FAM120C: variants seen among roughly 807,000 people sequenced by gnomAD.
The protein encoded by FAM120C is constitutive coactivator of PPAR-gamma-like protein 2.
A neutral mutation model predicts 71.2 loss-of-function variants in FAM120C; 14 were observed. That is an observed-to-expected ratio of 0.20 (90% CI 0.13 to 0.31). FAM120C has a LOEUF of 0.31. Ranked by LOEUF, FAM120C falls within the 10% of genes least tolerant of loss-of-function variation. The pLI is 1.00. For missense variants in FAM120C, 500 were observed against 879.0 expected (o/e 0.57, Z 5.45); for synonymous variants, 354 against 353.2 (o/e 1.00, Z -0.03).
At chrX:54,160,561 G>A (rs1389523906) in intron 1 of FAM120C, among the ~76,000 whole-genome samples, 1 of 111,316 alleles carries the variant, frequency 9.0e-6, no homozygotes, top group Non-Finnish European at 1.9e-5. Flanking sequence ...TCCTGTACAT[G>A]CCTCTATTGC....
chrX:54,116,502 G>A, intron 10 of FAM120C, 43 bp downstream of exon 10: 1 of 1,166,608 alleles, frequency 8.6e-7, no homozygotes, highest in Non-Finnish European at 1.1e-6. Flanking sequence ...TATAAAAAAA[G>A]TAAAAGAGAA....
chrX:54,147,841 C>T lies in FAM120C; in HGVS notation c.1158+3404G>A, dbSNP rs189884332. On this transcript the variant is annotated intron_variant, in intron 4 of 15. Transcript: ENST00000375180. ...TCCTGAGTAGCTGGGATTACAGGCA[C>T]GCGCCACCATGCCCAGCTAATTTTT... 5.2e-4 allele frequency among the ~76,000 whole-genome samples: 58 copies of T among 110,520 alleles called. 1 individual carries two copies. In the East Asian group the frequency reaches 9.7e-3, roughly 18 times the overall value.
chrX:54,169,283 T>C (rs1057285848), intron 1 of FAM120C, among the ~76,000 whole-genome samples: 3 of 111,000 alleles, frequency 2.7e-5, no homozygotes, highest in Non-Finnish European at 5.7e-5. Context: ...AGCAACAGAG[T>C]GAGACCCTGT....
intron 1 of FAM120C, among the ~76,000 whole-genome samples, chrX:54,161,752 C>T (rs905656942): frequency 3.6e-5 from 4 of 112,329 alleles, no homozygotes; most frequent in African/African-American, 1.3e-4. Context: ...CTGCCTCAGC[C>T]TCCTGAGTAG....
At position 54,070,558 on chromosome X, in the gene FAM120C, T is replaced by G. The variant is rs782626935; in HGVS notation, c.*2475A>C. On this transcript the variant is annotated 3_prime_UTR_variant, in exon 16 of 16. Coordinates refer to ENST00000375180, the MANE Select transcript of FAM120C (RefSeq NM_017848.6). ...ATATAGGTATCTCACAGCTCAGTGA[T>G]ACTGGTTGCTTTTAGAGCTCCAAAG... The G allele has an allele frequency of 8.9e-6, 1 of 112,103 alleles. No homozygotes were observed. Among genetic ancestry groups the G allele is most frequent in the African/African-American group, 3.2e-5 (1 of 30,956 alleles). 9.2% of individuals were successfully genotyped at this position (112,103 alleles called of 1,213,427 possible). A position where few individuals can be genotyped will look rare whatever the true frequency, so the allele number is the denominator to read the frequency against.
At chrX:54,078,471 A>G (rs918747255) in intron 15 of FAM120C, among the ~76,000 whole-genome samples, 3 of 111,950 alleles carry the variant, frequency 2.7e-5, no homozygotes, top group Non-Finnish European at 3.8e-5. Flanking sequence ...TTTGGAGTGC[A>G]TTATGAAATG....
chrX:54,078,890 C>T (rs1025376739), intron 15 of FAM120C, among the ~76,000 whole-genome samples: 5 of 109,446 alleles, frequency 4.6e-5, no homozygotes, highest in Admixed American at 3.0e-4. Context: ...AAAGGCCGGG[C>T]GCAGTGGCTC....
chrX:54,135,572 G>A lies in FAM120C; in HGVS notation c.1291C>T (p.Leu431Phe). The A allele has an allele frequency of 8.3e-7, 1 of 1,210,570 alleles. No individual in the cohort carries two copies. Among genetic ancestry groups the A allele is most frequent in the Middle Eastern group, 2.3e-4 (1 of 4,355 alleles). ...ATGGTGCCCACTTGATTTCGTGGAA[G>A]GGGAGGATTTCCAAGCCTATTATTC... ...FRNNRLGNPP[L>F]PRNQVGTISA... The change falls in exon 6 of 16, where the codon CTT (leucine) becomes TTT (phenylalanine). Residue 431 changes from leucine to phenylalanine, a missense_variant. Around this residue, in one of 11 missense-constraint regions of FAM120C, gnomAD observed 55 missense variants for 96.7 expected, o/e 0.57. Transcript: ENST00000375180.
chrX:54,108,100 C>A (rs1373834230), intron 10 of FAM120C, among the ~76,000 whole-genome samples: 1 of 102,345 alleles, frequency 9.8e-6, no homozygotes, highest in Non-Finnish European at 1.9e-5. Context: ...TCTCTGGTGA[C>A]TTGTAGGGCT....
At chrX:54,151,460 A>C in intron 3 of FAM120C, 87 bp from the exon 4 acceptor site, 1 of 997,208 alleles carries the variant, frequency 1.0e-6, no homozygotes, top group Non-Finnish European at 1.4e-6. Flanking sequence ...TATGGAATTC[A>C]CATTTGGTAA....
intron 10 of FAM120C, among the ~76,000 whole-genome samples, chrX:54,107,693 G>T (rs1296224549): frequency 9.8e-6 from 1 of 101,660 alleles, no homozygotes; most frequent in Non-Finnish European, 2.0e-5. Flanking sequence ...GCTAATTTTT[G>T]TATTTTTAGT....
rs782333625 is a variant in FAM120C at position 54,127,483 on chromosome X, C to T, written c.2062+5209G>A. 1.5e-4 allele frequency among the ~76,000 whole-genome samples: 15 copies of T among 100,594 alleles called. No homozygotes were observed. In the South Asian group the frequency reaches 6.6e-3, roughly 44 times the overall value. The allele number at this position is 100,594 out of a possible 115,157, so 87.4% of individuals were successfully genotyped here. ...GTGGGCGCCTGTAGTCCCAGCTACT[C>T]GGGAGGCTGAGGCAGGAGAATGGTG... is the stretch of plus-strand genomic sequence containing the variant. On this transcript the variant is annotated intron_variant, in intron 9 of 15. Transcript: ENST00000375180.
intron 10 of FAM120C, among the ~76,000 whole-genome samples, chrX:54,113,985 G>T (rs1327352985): frequency 9.1e-6 from 1 of 109,844 alleles, no homozygotes; most frequent in Non-Finnish European, 1.9e-5. Flanking sequence ...AATAGCAAAG[G>T]TATGGGATCA....
intron 12 of FAM120C, among the ~76,000 whole-genome samples, chrX:54,086,610 C>T (rs1049972122): frequency 3.7e-5 from 4 of 108,702 alleles, no homozygotes; most frequent in African/African-American, 1.4e-4. Flanking sequence ...AAAAAATTAG[C>T]CAGGCATGGT....
chrX:54,109,747 G>A (rs1336756608), intron 10 of FAM120C, among the ~76,000 whole-genome samples: 3 of 108,177 alleles, frequency 2.8e-5, no homozygotes, highest in East Asian at 5.9e-4. Flanking sequence ...AACCCAGGAG[G>A]TGGAGTTTGC....
intron 9 of FAM120C, among the ~76,000 whole-genome samples, chrX:54,126,433 T>C (rs1427012916): frequency 8.9e-6 from 1 of 111,741 alleles, no homozygotes; most frequent in Non-Finnish European, 1.9e-5. Flanking sequence ...CCCACGTATA[T>C]AGAGGGCCAA....
chrX:54,132,995 A>G lies in FAM120C; in HGVS notation c.1891-132T>C, dbSNP rs1011663591. ...TTTATTTGTATTTAGACAGTTTCAT[A>G]CTAAAAAGAAGCTGTAACAAGCTTA... On this transcript the variant is annotated intron_variant, in intron 8 of 15. Coordinates refer to ENST00000375180, the MANE Select transcript of FAM120C (RefSeq NM_017848.6). The G allele has an allele frequency of 1.1e-5, 5 of 467,664 alleles. No homozygotes were observed. In the East Asian group the frequency reaches 2.1e-4, roughly 20 times the overall value. 38.5% of individuals were successfully genotyped at this position (467,664 alleles called of 1,213,427 possible).
At chrX:54,174,236 C>G (rs1253166008) in intron 1 of FAM120C, 2 of 501,686 alleles carry the variant, frequency 4.0e-6, no homozygotes, top group African/African-American at 4.6e-5. Context: ...ATAACCTAAT[C>G]TTGGAAGTGA....
chrX:54,171,025 C>A (rs2067285359), intron 1 of FAM120C, among the ~76,000 whole-genome samples: 1 of 111,320 alleles, frequency 9.0e-6, no homozygotes, highest in Non-Finnish European at 1.9e-5. Flanking sequence ...ATTTCTAAGT[C>A]TTTGAACTAG....
Sources: gnomAD v4.1 joint callset for allele counts (sites outside exome capture counted in the v4.1 genomes callset) on GRCh38, gnomAD v4.1.1 for gene constraint, gnomAD v4.1.1 regional missense constraint, MANE v1.5 for transcripts, NCBI Gene and HGNC (gene_info 2026-07-23, HGNC 2026-07-21) for gene names.